ITPR2: variants seen among roughly 807,000 people sequenced by gnomAD.
The protein encoded by ITPR2 is inositol 1,4,5-trisphosphate-gated calcium channel ITPR2.
A neutral mutation model predicts 317.1 loss-of-function variants in ITPR2; 207 were observed. The observed-to-expected ratio is 0.65, with a 90% CI of 0.58 to 0.73. ITPR2 has a LOEUF of 0.73. ITPR2 is among the 30% of genes least tolerant of loss of function. The pLI, the probability that ITPR2 is intolerant of heterozygous loss-of-function variation, is 0.00. For missense variants in ITPR2, 2,613 were observed against 3,284.0 expected, an observed-to-expected ratio of 0.80 and a Z score of 4.99; for synonymous variants, 1,156 against 1,149.1, an observed-to-expected ratio of 1.01 and a Z score of -0.12.
intron 36 of ITPR2, among the ~76,000 whole-genome samples, chr12:26,552,291 C>G (rs762330256): frequency 6.6e-6 from 1 of 152,112 alleles, no homozygotes; most frequent in Non-Finnish European, 1.5e-5. Flanking sequence ...TGGGCTCAAG[C>G]TATCCTCCCA....
At chr12:26,794,562 C>A (rs755001109) in intron 1 of ITPR2, among the ~76,000 whole-genome samples, 128 of 152,190 alleles carry the variant, frequency 8.4e-4, no homozygotes, top group Non-Finnish European at 9.0e-4. Context: ...CTATATTCCC[C>A]GTGATGAGAT....
chr12:26,661,269 TGTGTGTGGGGG>T (rs1947490371), intron 15 of ITPR2, among the ~76,000 whole-genome samples: 1 of 6,750 alleles, frequency 1.5e-4, no homozygotes, highest in Non-Finnish European at 2.5e-4. Flanking sequence ...GGTAGGGGTG[TGTGTGTGGGGG>T]GGGGGGGGTG....
intron 32 of ITPR2, among the ~76,000 whole-genome samples, chr12:26,591,346 T>C (rs1051275621): frequency 2.6e-5 from 4 of 152,158 alleles, no homozygotes; most frequent in African/African-American, 7.2e-5. Context: ...TTCAACATCA[T>C]TGATCACAAG....
At chr12:26,678,907 AT>A (rs941194105) in intron 13 of ITPR2, among the ~76,000 whole-genome samples, 1 of 152,236 alleles carries the variant, frequency 6.6e-6, no homozygotes, top group Non-Finnish European at 1.5e-5. Flanking sequence ...CATAATCTGA[AT>A]TTTTATCTGT....
intron 2 of ITPR2, among the ~76,000 whole-genome samples, chr12:26,739,550 CA>C (rs531543345): frequency 6.6e-6 from 1 of 152,136 alleles, no homozygotes; most frequent in Non-Finnish European, 1.5e-5. Flanking sequence ...AAGCCAGACA[CA>C]AAAGACTACA....
At chr12:26,605,832 A>G (rs1306581868) in intron 26 of ITPR2, among the ~76,000 whole-genome samples, 1 of 152,238 alleles carries the variant, frequency 6.6e-6, no homozygotes, top group Non-Finnish European at 1.5e-5. Context: ...TTTTAATTTC[A>G]GAAAATAATT....
chr12:26,520,136 A>G (rs943264008), intron 37 of ITPR2, among the ~76,000 whole-genome samples: 3 of 152,228 alleles, frequency 2.0e-5, no homozygotes, highest in Non-Finnish European at 4.4e-5. Flanking sequence ...TTTAATTGAG[A>G]TAGTTTTCTT....
chr12:26,462,154 C>CTTTTGTTTTG (rs71069237), intron 45 of ITPR2, among the ~76,000 whole-genome samples: 1,754 of 149,678 alleles, frequency 0.012, 23 homozygotes, highest in Admixed American at 0.035. Context: ...ACAAGGAAAA[C>CTTTTGTTTTG]TTTTGTTTTG....
chr12:26,536,742 C>T (rs1944103385), intron 37 of ITPR2, among the ~76,000 whole-genome samples: 1 of 152,160 alleles, frequency 6.6e-6, no homozygotes, highest in Admixed American at 6.6e-5. Flanking sequence ...GGCTACACAG[C>T]CGAGATTGAC....
intron 2 of ITPR2, among the ~76,000 whole-genome samples, chr12:26,753,318 C>T (rs1441627232): frequency 6.6e-6 from 1 of 152,212 alleles, no homozygotes; most frequent in Non-Finnish European, 1.5e-5. Context: ...ATGTTAACTG[C>T]TATTCTGTTT....
intron 1 of ITPR2, among the ~76,000 whole-genome samples, chr12:26,804,956 A>G (rs1343218726): frequency 1.3e-5 from 2 of 151,832 alleles, no homozygotes; most frequent in Non-Finnish European, 2.9e-5. Context: ...GCTGGTCTTG[A>G]ACTCCTGGGC....
intron 29 of ITPR2, 124 bp downstream of exon 29, chr12:26,599,863 G>A (rs1565631214): frequency 2.9e-6 from 2 of 701,406 alleles, no homozygotes; most frequent in Non-Finnish European, 4.7e-6. Context: ...CTTCTGGAGA[G>A]AGAATTTCCA....
intron 37 of ITPR2, among the ~76,000 whole-genome samples, chr12:26,520,153 T>C (rs78372876): frequency 0.019 from 2,947 of 152,314 alleles, 53 homozygotes; most frequent in African/African-American, 0.046. Flanking sequence ...TCTTAAGGTT[T>C]TCAGAGAAAC....
intron 49 of ITPR2, among the ~76,000 whole-genome samples, chr12:26,427,271 G>A (rs1237413026): frequency 6.6e-6 from 1 of 152,052 alleles, no homozygotes; most frequent in Non-Finnish European, 1.5e-5. Context: ...CTGTATGGCT[G>A]TGCCATGCAT....
At chr12:26,344,848 C>A (rs746321406) in intron 55 of ITPR2, among the ~76,000 whole-genome samples, 14 of 152,284 alleles carry the variant, frequency 9.2e-5, no homozygotes, top group East Asian at 1.9e-4. Context: ...AGAAGCTGTG[C>A]TTAAGTGCAA....
intron 55 of ITPR2, among the ~76,000 whole-genome samples, chr12:26,385,111 G>A (rs1339009802): frequency 1.3e-5 from 2 of 152,142 alleles, no homozygotes; most frequent in Non-Finnish European, 2.9e-5. Flanking sequence ...TAGATGAGGA[G>A]GCAGAAGCTC....
chr12:26,826,937 A>G (rs1035132084), intron 1 of ITPR2, among the ~76,000 whole-genome samples: 8 of 152,250 alleles, frequency 5.3e-5, no homozygotes, highest in Admixed American at 3.3e-4. Flanking sequence ...AGAAATGTGA[A>G]TATCTGTTGT....
At chr12:26,668,757 G>T (rs957777876) in intron 13 of ITPR2, among the ~76,000 whole-genome samples, 15 of 151,676 alleles carry the variant, frequency 9.9e-5, no homozygotes, top group African/African-American at 3.6e-4. Context: ...ATATTAAAAA[G>T]ACAACGTATT....
At chr12:26,466,455 T>C (rs1415801019) in intron 45 of ITPR2, among the ~76,000 whole-genome samples, 1 of 152,250 alleles carries the variant, frequency 6.6e-6, no homozygotes, top group Non-Finnish European at 1.5e-5. Context: ...TTCCTTCTCA[T>C]GGCTTTTGAT....
Sources: allele counts gnomAD v4.1 joint callset (sites outside exome capture counted in the v4.1 genomes callset), GRCh38; gene constraint gnomAD v4.1.1; transcripts MANE v1.5; gene names NCBI Gene and HGNC (gene_info 2026-07-23, HGNC 2026-07-21).